DNAJC6: variants seen among roughly 807,000 people sequenced by gnomAD.
DNAJC6 encodes the protein DnaJ heat shock protein family (Hsp40) member C6.
Under a neutral mutation model 110.0 loss-of-function variants are expected in DNAJC6, and 34 were observed. The ratio of observed to expected loss-of-function variants is 0.31; its 90% CI spans 0.24 to 0.41. The LOEUF (loss-of-function observed/expected upper bound fraction) is 0.41. DNAJC6 is among the 10% of genes least tolerant of loss of function. The pLI is 1.00. For missense variants in DNAJC6, 1,031 were observed against 1,207.8 expected (o/e 0.85, Z 2.17); for synonymous variants, 406 against 437.2 (o/e 0.93, Z 0.89).
intron 1 of DNAJC6, among the ~76,000 whole-genome samples, chr1:65,315,889 A>G (rs1645144518): frequency 6.6e-6 from 1 of 152,196 alleles, no homozygotes; most frequent in Non-Finnish European, 1.5e-5. Context: ...TGAGGCAAGG[A>G]AAAATAGGAG....
At chr1:65,361,695 A>G (rs1645598965) in intron 1 of DNAJC6, among the ~76,000 whole-genome samples, 1 of 152,234 alleles carries the variant, frequency 6.6e-6, no homozygotes, top group African/African-American at 2.4e-5. Flanking sequence ...TACTAGTTGT[A>G]GGAATTTAAA....
chr1:65,386,570 T>C (rs1442572524), intron 7 of DNAJC6, among the ~76,000 whole-genome samples: 3 of 152,188 alleles, frequency 2.0e-5, no homozygotes, highest in Non-Finnish European at 2.9e-5. Context: ...AAAGCAGGCA[T>C]GGGCAATTGC....
chr1:65,354,692 G>A (rs1192468255), intron 1 of DNAJC6, among the ~76,000 whole-genome samples: 1 of 152,054 alleles, frequency 6.6e-6, no homozygotes. Flanking sequence ...CAGATTTCAT[G>A]GTGTCTGTAA....
intron 12 of DNAJC6, among the ~76,000 whole-genome samples, chr1:65,393,929 G>T (rs931672372): frequency 2.0e-5 from 3 of 152,062 alleles, no homozygotes; most frequent in East Asian, 3.9e-4. Flanking sequence ...GAGTATTGGT[G>T]TTGAGGCTCA....
intron 1 of DNAJC6, among the ~76,000 whole-genome samples, chr1:65,277,029 A>G (rs573236146): frequency 6.6e-6 from 1 of 152,226 alleles, no homozygotes; most frequent in Middle Eastern, 3.4e-3. Flanking sequence ...TAGCTTTCCT[A>G]TTACTTCACA....
intron 13 of DNAJC6, among the ~76,000 whole-genome samples, chr1:65,397,479 T>C (rs1274116303): frequency 6.6e-6 from 1 of 152,214 alleles, no homozygotes; most frequent in Non-Finnish European, 1.5e-5. Context: ...AATTACCTTT[T>C]TGAAAAAATA....
chr1:65,410,612 T>A (rs549724411), intron 17 of DNAJC6, among the ~76,000 whole-genome samples: 2 of 152,246 alleles, frequency 1.3e-5, no homozygotes, highest in Non-Finnish European at 2.9e-5. Flanking sequence ...AGGTACTCAA[T>A]GCTGATACAG....
At chr1:65,337,186 G>A (rs1053106379) in intron 1 of DNAJC6, among the ~76,000 whole-genome samples, 12 of 149,194 alleles carry the variant, frequency 8.0e-5, no homozygotes, top group Middle Eastern at 3.4e-3. Flanking sequence ...AGACTATCTC[G>A]TAGGTCGTGT....
intron 17 of DNAJC6, among the ~76,000 whole-genome samples, chr1:65,410,755 G>C (rs1646120920): frequency 6.6e-6 from 1 of 152,134 alleles, no homozygotes; most frequent in South Asian, 2.1e-4. Flanking sequence ...TTACTTATTT[G>C]GTTCCGAGAT....
At chr1:65,266,876 T>C (rs1202373734) in intron 1 of DNAJC6, among the ~76,000 whole-genome samples, 1 of 151,844 alleles carries the variant, frequency 6.6e-6, no homozygotes, top group East Asian at 1.9e-4. Context: ...AGCCTTTTTC[T>C]AAGGAGAGTT....
At chr1:65,382,954 G>C (rs1053121854) in intron 5 of DNAJC6, among the ~76,000 whole-genome samples, 1 of 152,204 alleles carries the variant, frequency 6.6e-6, no homozygotes, top group Admixed American at 6.5e-5. Context: ...AGCATTGATA[G>C]AAAGGGAGGG....
intron 1 of DNAJC6, among the ~76,000 whole-genome samples, chr1:65,361,769 T>G (rs1049928358): frequency 6.6e-6 from 1 of 152,220 alleles, no homozygotes; most frequent in East Asian, 1.9e-4. Flanking sequence ...ACATACCTTA[T>G]TTACTGGCAA....
intron 4 of DNAJC6, 82 bp downstream of exon 4, chr1:65,366,278 C>T: frequency 6.8e-7 from 1 of 1,463,534 alleles, no homozygotes; most frequent in South Asian, 1.3e-5. Flanking sequence ...AAAGCACGTG[C>T]CCTTAGGCAT....
At chr1:65,357,082 C>T (rs1044241819) in intron 1 of DNAJC6, among the ~76,000 whole-genome samples, 1 of 152,158 alleles carries the variant, frequency 6.6e-6, no homozygotes. Flanking sequence ...CTTCCTTGCC[C>T]TTTGCCAAGC....
intron 4 of DNAJC6, among the ~76,000 whole-genome samples, chr1:65,370,943 G>A (rs1024947306): frequency 6.6e-6 from 1 of 152,084 alleles, no homozygotes; most frequent in Non-Finnish European, 1.5e-5. Flanking sequence ...GAAGTTTATA[G>A]CTCATATTTC....
chr1:65,278,005 A>T (rs571323749), intron 1 of DNAJC6, among the ~76,000 whole-genome samples: 9 of 152,340 alleles, frequency 5.9e-5, no homozygotes, highest in Non-Finnish European at 1.2e-4. Context: ...ACAAGGGAAA[A>T]GGAGGAAACA....
chr1:65,279,817 T>TC (rs1653787920), intron 1 of DNAJC6: 1 of 152,274 alleles, frequency 6.6e-6, no homozygotes, highest in South Asian at 2.1e-4. Flanking sequence ...TCCTGTGTTT[T>TC]CCCTTTTGTG....
At chr1:65,339,601 G>T (rs2101480525) in intron 1 of DNAJC6, among the ~76,000 whole-genome samples, 1 of 152,326 alleles carries the variant, frequency 6.6e-6, no homozygotes, top group Non-Finnish European at 1.5e-5. Context: ...TACATACAAA[G>T]CCCTGTGCTT....
intron 1 of DNAJC6, among the ~76,000 whole-genome samples, chr1:65,347,687 G>A (rs761868808): frequency 2.0e-5 from 3 of 151,438 alleles, no homozygotes; most frequent in Admixed American, 6.6e-5. Context: ...TCTTTTCCCC[G>A]TTGTCTCCCC....
Sources: gnomAD v4.1 joint callset for allele counts (sites outside exome capture counted in the v4.1 genomes callset) on GRCh38, gnomAD v4.1.1 for gene constraint, MANE v1.5 for transcripts, NCBI Gene and HGNC (gene_info 2026-07-23, HGNC 2026-07-21) for gene names.